The following MAD1L1 variants were observed in gnomAD, a reference collection of about 807,000 sequenced individuals.
MAD1L1 encodes the protein mitotic spindle assembly checkpoint protein MAD1.
MAD1L1 carries 95 observed loss-of-function variants against 96.9 expected under a neutral mutation model. That is an observed-to-expected ratio of 0.98 (90% CI 0.83 to 1.16). The LOEUF (loss-of-function observed/expected upper bound fraction) is 1.16. Ranked by LOEUF, MAD1L1 falls within the 50% of genes most tolerant of loss-of-function variation. The pLI, the probability that MAD1L1 is intolerant of heterozygous loss-of-function variation, is 0.00. For missense variants in MAD1L1, 1,007 were observed against 954.4 expected, an observed-to-expected ratio of 1.06 and a Z score of -0.73; for synonymous variants, 473 against 396.6, an observed-to-expected ratio of 1.19 and a Z score of -2.29.
chr7:2,181,836 A>C (rs144487765), intron 10 of MAD1L1, among the ~76,000 whole-genome samples: 25 of 152,264 alleles, frequency 1.6e-4, no homozygotes, highest in African/African-American at 4.6e-4. Context: ...ATATCATAGA[A>C]TACTACTCAG....
intron 10 of MAD1L1, among the ~76,000 whole-genome samples, chr7:2,210,774 C>T (rs1057243039): frequency 1.3e-5 from 2 of 152,236 alleles, no homozygotes; most frequent in South Asian, 2.1e-4. Flanking sequence ...AGGCCCACAG[C>T]CAAGGCCAAC....
intron 10 of MAD1L1, among the ~76,000 whole-genome samples, chr7:2,167,653 C>A (rs1214848871): frequency 1.3e-5 from 2 of 152,004 alleles, no homozygotes; most frequent in Non-Finnish European, 2.9e-5. Context: ...CCACTTGAGC[C>A]CGGGAGTTCG....
intron 10 of MAD1L1, among the ~76,000 whole-genome samples, chr7:2,177,876 C>T (rs572094044): frequency 1.7e-4 from 26 of 152,332 alleles, no homozygotes; most frequent in Admixed American, 1.2e-3. Context: ...CAGCCGACAT[C>T]GCCATGACTG....
intron 16 of MAD1L1, among the ~76,000 whole-genome samples, chr7:1,954,790 C>T (rs967263840): frequency 2.6e-5 from 4 of 152,216 alleles, no homozygotes; most frequent in Non-Finnish European, 4.4e-5. Context: ...GCCAGAAGCC[C>T]GGCCAGCCAC....
intron 16 of MAD1L1, among the ~76,000 whole-genome samples, chr7:1,946,914 G>C (rs1467088711): frequency 6.6e-6 from 1 of 152,252 alleles, no homozygotes; most frequent in Non-Finnish European, 1.5e-5. Context: ...GTTTCTCTCT[G>C]TGTTCAGGGG....
intron 18 of MAD1L1, among the ~76,000 whole-genome samples, chr7:1,885,492 T>A (rs375956775): frequency 5.4e-4 from 79 of 145,838 alleles, no homozygotes; most frequent in African/African-American, 2.0e-3. Context: ...CGGGTGTGTG[T>A]GGGCCACAGG....
intron 12 of MAD1L1, among the ~76,000 whole-genome samples, chr7:2,067,153 C>T (rs955174706): frequency 6.6e-6 from 1 of 152,178 alleles, no homozygotes; most frequent in Non-Finnish European, 1.5e-5. Flanking sequence ...GCCACCCGAA[C>T]ACAGCACGTT....
chr7:2,219,673 G>A (rs1387831020), intron 5 of MAD1L1, among the ~76,000 whole-genome samples: 1 of 142,858 alleles, frequency 7.0e-6, no homozygotes, highest in African/African-American at 2.6e-5. Flanking sequence ...GGGGCAAGGG[G>A]GGCAGAGGGC....
chr7:2,224,141 G>A (rs940379710), intron 4 of MAD1L1, among the ~76,000 whole-genome samples: 3 of 152,156 alleles, frequency 2.0e-5, no homozygotes, highest in African/African-American at 7.2e-5. Flanking sequence ...GCAGAGTCGG[G>A]TGGGCCCTGC....
chr7:2,009,821 C>T (rs1468570322), intron 13 of MAD1L1, among the ~76,000 whole-genome samples: 2 of 152,200 alleles, frequency 1.3e-5, no homozygotes, highest in East Asian at 1.9e-4. Flanking sequence ...CGCCCAGCAA[C>T]GTCAGCTCCT....
At chr7:2,019,254 C>T (rs776606432) in intron 12 of MAD1L1, among the ~76,000 whole-genome samples, 5 of 152,182 alleles carry the variant, frequency 3.3e-5, no homozygotes, top group Non-Finnish European at 7.4e-5. Flanking sequence ...GAAGGCCCTG[C>T]TGGGACAGAG....
chr7:2,204,001 G>A (rs1255059568), intron 10 of MAD1L1, among the ~76,000 whole-genome samples: 2 of 152,194 alleles, frequency 1.3e-5, no homozygotes, highest in African/African-American at 4.8e-5. Context: ...GGAAGAACAC[G>A]TTCCACTTTT....
At chr7:2,020,680 C>A (rs917036994) in intron 12 of MAD1L1, among the ~76,000 whole-genome samples, 2 of 152,048 alleles carry the variant, frequency 1.3e-5, no homozygotes, top group Admixed American at 6.5e-5. Flanking sequence ...AAACATCGGA[C>A]GGACTTCAGG....
intron 15 of MAD1L1, 79 bp downstream of exon 15, chr7:1,980,374 G>A (rs879104436): frequency 4.8e-5 from 60 of 1,250,176 alleles, no homozygotes; most frequent in South Asian, 3.2e-4. Context: ...CTCCTCCCCC[G>A]CAGGACACAC....
chr7:2,153,448 A>G (rs987777006), intron 10 of MAD1L1, among the ~76,000 whole-genome samples: 2 of 152,246 alleles, frequency 1.3e-5, no homozygotes, highest in Non-Finnish European at 2.9e-5. Context: ...AAAAATGGTC[A>G]ACATCACTAA....
At chr7:2,023,119 C>T (rs543231460) in intron 12 of MAD1L1, among the ~76,000 whole-genome samples, 7 of 152,278 alleles carry the variant, frequency 4.6e-5, no homozygotes, top group South Asian at 4.1e-4. Context: ...TTATCAGAAA[C>T]GGACAGATCC....
rs552867861 is a variant in MAD1L1 at position 2,103,940 on chromosome 7, C to T, written c.1074-34602G>A. ...CCCCGCTGGACGTCGGAGAAAGAGG[C>T]CCCCAGACACATGGCAGAGAATCAA... On this transcript the variant is annotated intron_variant, in intron 11 of 18. Transcript: ENST00000265854. The surrounding 1 kb of genome is among the most constrained non-coding windows in gnomAD (Gnocchi z 4.3). Among the ~76,000 whole-genome samples the T allele has an allele frequency of 2.0e-5, 3 of 152,342 alleles. No homozygotes were observed. The highest frequency in any genetic ancestry group is 6.5e-5 in the Admixed American group (1 of 15,298).
rs142948619 is a variant in MAD1L1, at chr7:2,142,708, G to A, written c.1073+6444C>T. Among the ~76,000 whole-genome samples, 108 of 152,354 alleles carry A rather than the reference G, an allele frequency of 7.1e-4. No homozygotes were observed. The highest frequency in any genetic ancestry group is 1.2e-3 in the African/African-American group (51 of 41,578). On this transcript the variant is annotated intron_variant, in intron 11 of 18. Coordinates refer to ENST00000265854, the MANE Select transcript of MAD1L1 (RefSeq NM_001013836.2). This position sits in a 1 kb window ranked among gnomAD's most constrained non-coding sequence, Gnocchi z 4.7. ...CCAAAGACCATTTACATCGAGTGGC[G>A]CCAAAGCCGAACGGACGCAACAAGG...
intron 17 of MAD1L1, among the ~76,000 whole-genome samples, chr7:1,912,257 G>A (rs1040705506): frequency 6.6e-6 from 1 of 152,242 alleles, no homozygotes; most frequent in Admixed American, 6.5e-5. Context: ...ATGAAGGATG[G>A]CCATCTGAGA....
Sources: gnomAD v4.1 joint callset for allele counts (sites outside exome capture counted in the v4.1 genomes callset) on GRCh38, gnomAD v4.1.1 for gene constraint, Gnocchi (gnomAD v3.1) non-coding constraint, MANE v1.5 for transcripts, NCBI Gene and HGNC (gene_info 2026-07-23, HGNC 2026-07-21) for gene names.